FOXP1: variants seen among roughly 807,000 people sequenced by gnomAD.
The protein encoded by FOXP1 is forkhead box P1, also known as forkhead box protein P1.
A neutral mutation model predicts 98.2 loss-of-function variants in FOXP1; 15 were observed. The observed-to-expected ratio is 0.15, with a 90% CI of 0.10 to 0.24. The LOEUF is 0.24. Ranked by LOEUF, FOXP1 falls within the 10% of genes least tolerant of loss-of-function variation. The probability of loss-of-function intolerance (pLI) is 1.00; values close to 1 mark genes in which losing one functional copy is unlikely to be tolerated. For synonymous variants in FOXP1, 371 were observed against 314.5 expected, an observed-to-expected ratio of 1.18 and a Z score of -1.90; for missense variants, 633 against 848.5, an observed-to-expected ratio of 0.75 and a Z score of 3.15.
At chr3:71,169,663 T>A (rs1485491658) in intron 6 of FOXP1, among the ~76,000 whole-genome samples, 2 of 143,076 alleles carry the variant, frequency 1.4e-5, no homozygotes, top group African/African-American at 2.6e-5. Context: ...GCATTAGAAA[T>A]GTTCTTTTGT....
chr3:71,392,040 A>C (rs1367387154), intron 3 of FOXP1, among the ~76,000 whole-genome samples: 1 of 152,226 alleles, frequency 6.6e-6, no homozygotes, highest in Non-Finnish European at 1.5e-5. Flanking sequence ...AAAACAGTTC[A>C]TTAGAAATAG....
At chr3:71,192,319 T>C (rs1190160630) in intron 6 of FOXP1, among the ~76,000 whole-genome samples, 4 of 152,194 alleles carry the variant, frequency 2.6e-5, no homozygotes, top group African/African-American at 9.7e-5. Flanking sequence ...CCATATAACC[T>C]GCGTCATTTC....
intron 11 of FOXP1, among the ~76,000 whole-genome samples, chr3:71,022,421 G>A (rs939023535): frequency 6.6e-6 from 1 of 152,134 alleles, no homozygotes; most frequent in African/African-American, 2.4e-5. Flanking sequence ...TTGACGGGTA[G>A]GGGGAGAGAT....
intron 3 of FOXP1, among the ~76,000 whole-genome samples, chr3:71,436,194 G>A (rs1053261732): frequency 4.6e-5 from 7 of 151,834 alleles, no homozygotes; most frequent in Non-Finnish European, 7.4e-5. Flanking sequence ...AAAAGGCATT[G>A]TCTCCCCGCA....
chr3:71,530,339 G>A (rs554219972), intron 2 of FOXP1, among the ~76,000 whole-genome samples: 130 of 152,142 alleles, frequency 8.5e-4, no homozygotes, highest in African/African-American at 3.0e-3. Context: ...ACACCCTCCC[G>A]CCACGTGATA....
At chr3:71,138,686 G>A (rs1044693004) in intron 6 of FOXP1, among the ~76,000 whole-genome samples, 2 of 152,160 alleles carry the variant, frequency 1.3e-5, no homozygotes, top group Non-Finnish European at 2.9e-5. Context: ...ACTACCAAGG[G>A]CAAAGCTGCT....
At chr3:71,288,861 TATA>T (rs979938679) in intron 5 of FOXP1, among the ~76,000 whole-genome samples, 1 of 152,166 alleles carries the variant, frequency 6.6e-6, no homozygotes, top group African/African-American at 2.4e-5. Flanking sequence ...GACTGCTAGT[TATA>T]TAAAGCCAGT....
intron 12 of FOXP1, among the ~76,000 whole-genome samples, chr3:71,006,747 C>T (rs1218882411): frequency 1.3e-5 from 2 of 152,066 alleles, no homozygotes; most frequent in African/African-American, 2.4e-5. Flanking sequence ...AATGCATCTA[C>T]AGTGATATAG....
At chr3:71,139,376 G>C (rs1401536159) in intron 6 of FOXP1, among the ~76,000 whole-genome samples, 1 of 151,948 alleles carries the variant, frequency 6.6e-6, no homozygotes, top group Non-Finnish European at 1.5e-5. Context: ...TGCAGCTTTA[G>C]GTATAGAAAT....
chr3:71,576,634 C>A (rs879607164), intron 2 of FOXP1, among the ~76,000 whole-genome samples: 1 of 152,144 alleles, frequency 6.6e-6, no homozygotes, highest in Non-Finnish European at 1.5e-5. Flanking sequence ...TAATTTAACC[C>A]TACAACTGAG....
At chr3:71,323,108 C>T (rs1194412150) in intron 4 of FOXP1, among the ~76,000 whole-genome samples, 1 of 151,918 alleles carries the variant, frequency 6.6e-6, no homozygotes, top group African/African-American at 2.4e-5. Flanking sequence ...GTAGCTGGGA[C>T]TACAGACATG....
intron 19 of FOXP1, chr3:70,970,408 A>C (rs976191759): frequency 1.1e-5 from 4 of 364,128 alleles, no homozygotes; most frequent in African/African-American, 8.4e-5. Context: ...CCAGCACATT[A>C]ATAGCTGTGC....
intron 3 of FOXP1, among the ~76,000 whole-genome samples, chr3:71,430,568 C>T (rs2084617463): frequency 6.6e-6 from 1 of 151,522 alleles, no homozygotes; most frequent in Non-Finnish European, 1.5e-5. Context: ...AGGGTCCATT[C>T]TTTACCATTT....
In FOXP1 at chr3:71,112,528, A is replaced by G; in HGVS notation, c.282+8T>C. On this transcript the variant is annotated splice_region_variant and intron_variant, in intron 7 of 20. Transcript: ENST00000649528. The stretch of plus-strand genomic sequence containing the variant: ...TAATGTCAATTTAAAAAGAAAAAGA[A>G]TTGTTACCTGAAGAGCTGGTTGTTT... 6.2e-7 allele frequency: 1 copy of G among 1,603,270 alleles called. No individual in the cohort carries two copies. Among genetic ancestry groups the G allele is most frequent in the Non-Finnish European group, 8.5e-7 (1 of 1,170,100 alleles).
intron 6 of FOXP1, chr3:71,130,714 G>T (rs1389923765): frequency 6.5e-7 from 1 of 1,533,280 alleles, no homozygotes; most frequent in Admixed American, 2.0e-5. Context: ...AGGGAGGTTT[G>T]CCTCCACAGT....
chr3:71,293,853 C>A (rs1219882332), intron 5 of FOXP1, among the ~76,000 whole-genome samples: 2 of 152,130 alleles, frequency 1.3e-5, no homozygotes, highest in East Asian at 3.8e-4. Context: ...ATACACACAG[C>A]ATAAAAAACA....
chr3:71,201,680 G>C (rs1372715300), intron 5 of FOXP1, among the ~76,000 whole-genome samples: 1 of 152,030 alleles, frequency 6.6e-6, no homozygotes. Flanking sequence ...AAAAGGCACA[G>C]TGTTAGGTAT....
chr3:71,583,036 G>A (rs1032560382), intron 1 of FOXP1, among the ~76,000 whole-genome samples: 1 of 151,768 alleles, frequency 6.6e-6, no homozygotes, highest in African/African-American at 2.4e-5. Flanking sequence ...CGCCCGGCGC[G>A]CGCCCCCTCC....
chr3:71,049,560 A>G (rs1341340409), intron 9 of FOXP1, among the ~76,000 whole-genome samples: 1 of 142,154 alleles, frequency 7.0e-6, no homozygotes, highest in African/African-American at 2.7e-5. Context: ...GGAGGGAAGG[A>G]AAAAAAAAAG....
Sources: gnomAD v4.1 joint callset for allele counts (sites outside exome capture counted in the v4.1 genomes callset) on GRCh38, gnomAD v4.1.1 for gene constraint, MANE v1.5 for transcripts, NCBI Gene and HGNC (gene_info 2026-07-23, HGNC 2026-07-21) for gene names.